Variants in ARMC5 observed in about 807,000 individuals in gnomAD.
ARMC5 encodes armadillo repeat-containing protein 5.
In ARMC5, 28 loss-of-function variants were observed where a neutral mutation model predicts 60.5. The ratio of observed to expected loss-of-function variants is 0.46; its 90% CI spans 0.34 to 0.63. The LOEUF is 0.63. Among genes scored for constraint, ARMC5 ranks in the 30% least tolerant of loss-of-function variants. The probability of loss-of-function intolerance (pLI) is 0.01; values close to 1 mark genes in which losing one functional copy is unlikely to be tolerated. For missense variants in ARMC5, 1,189 were observed against 1,304.9 expected (o/e 0.91, Z 1.37); for synonymous variants, 680 against 607.3 (o/e 1.12, Z -1.76).
intron 1 of ARMC5, among the ~76,000 whole-genome samples, chr16:31,461,612 A>G (rs565766317): frequency 5.7e-4 from 86 of 152,212 alleles, no homozygotes; most frequent in African/African-American, 1.9e-3. Flanking sequence ...GGTTCAAGCA[A>G]TTCTCCTGCC....
chr16:31,464,991 C>G lies in ARMC5; in HGVS notation c.1864+104C>G, dbSNP rs935969908. 3 of 1,610,984 alleles carry G rather than the reference C, an allele frequency of 1.9e-6. No individual in the cohort carries two copies. The highest frequency in any genetic ancestry group is 2.5e-6 in the Non-Finnish European group (3 of 1,177,940). On this transcript the variant is annotated intron_variant, in intron 4 of 5. Coordinates refer to ENST00000268314, the MANE Select transcript of ARMC5 (RefSeq NM_001105247.2). The surrounding 1 kb of genome is among the most constrained non-coding windows in gnomAD (Gnocchi z 7.6). ...CTCACCTTCCCACTCACCTGTCCTC[C>G]CCAGCCCGTCCTCCAGACAACCTGT...
In ARMC5 at chr16:31,466,225, C is replaced by T; in HGVS notation, c.2144C>T (p.Thr715Ile). The T allele has an allele frequency of 1.9e-6, 3 of 1,613,772 alleles. No individual in the cohort carries two copies. The highest frequency in any genetic ancestry group is 1.7e-6 in the Non-Finnish European group (2 of 1,179,900). Residue 715 changes from threonine (T) to isoleucine (I), a missense_variant, in exon 6 of 6, where the codon ACT becomes ATT. Thr to Ile is a moderately conservative substitution (Grantham distance 89). Coordinates refer to ENST00000268314, the MANE Select transcript of ARMC5 (RefSeq NM_001105247.2). The surrounding 1 kb of genome is among the most constrained non-coding windows in gnomAD (Gnocchi z 8.0). ...TGCCTCCAAGACCTGGTGTCTCCCA[C>T]TGTGAGCCCAGCTGTCCCACAGGCA... is the stretch of plus-strand genomic sequence containing the variant. ...LSCLQDLVSP[T>I]VSPAVPQAVP...
chr16:31,464,436 C>G lies in ARMC5; in HGVS notation c.1413C>G (p.Asp471Glu). 6.4e-7 allele frequency: 1 copy of G among 1,567,982 alleles called. No homozygotes were observed. The highest frequency in any genetic ancestry group is 8.6e-7 in the Non-Finnish European group (1 of 1,159,116). Residue 471 changes from aspartate (D) to glutamate (E), a missense_variant, in exon 4 of 6, where the codon GAC becomes GAG. Physicochemically the swap from Asp to Glu is conservative, Grantham distance 45 (BLOSUM62 2). Around this residue, in one of 2 missense-constraint regions of ARMC5, gnomAD observed 862 missense variants for 1,071.2 expected, o/e 0.80. Coordinates refer to ENST00000268314, the MANE Select transcript of ARMC5 (RefSeq NM_001105247.2). The surrounding 1 kb of genome is among the most constrained non-coding windows in gnomAD (Gnocchi z 7.6). ...ISEGYATGPD[D>E]ISPDWSPEQC... ...AGGGCTATGCCACAGGCCCTGATGA[C>G]ATCTCCCCCGACTGGTCTCCTGAGC...
chr16:31,461,742 A>T (rs1279853788), intron 1 of ARMC5, among the ~76,000 whole-genome samples, 180 bp from the exon 2 acceptor site: 1 of 152,148 alleles, frequency 6.6e-6, no homozygotes, highest in Non-Finnish European at 1.5e-5. Context: ...TCCTGACCTC[A>T]AGTGACCCAC....
rs753144708 is a variant in ARMC5 at position 31,464,667 on chromosome 16, G to A, written c.1644G>A (p.Leu548=). The change falls in exon 4 of 6, where the codon CTG becomes CTA. Residue 548 remains leucine (L), a synonymous_variant. Coordinates refer to ENST00000268314, the MANE Select transcript of ARMC5 (RefSeq NM_001105247.2). This position sits in a 1 kb window ranked among gnomAD's most constrained non-coding sequence, Gnocchi z 7.6. ...GGGCACTTGTGACCGGCCCGGCGCT[G>A]TACGGCCTGCTGACCTATGTGACCG... The part of the protein sequence containing the change: ...PSGALVTGPA[L]YGLLTYVTGA... The A allele has an allele frequency of 3.8e-6, 6 of 1,598,774 alleles. No individual in the cohort carries two copies. The Admixed American group carries it at 6.7e-5, about 18-fold the overall frequency.
Position 31,466,865 on chromosome 16 carries a change from G to T in ARMC5, c.2784G>T (p.Glu928Asp). ...EALLAVVMGI[E>D]LGARVPA ...TGCTGGCTGTGGTGATGGGGATTGA[G>T]TTGGGGGCAAGGGTCCCTGCCTAGA... Residue 928 changes from glutamate to aspartate, a missense_variant, in exon 6 of 6, where the codon GAG (glutamate) becomes GAT (aspartate). Glu to Asp is a conservative substitution (Grantham distance 45, BLOSUM62 2). Around this residue, in one of 2 missense-constraint regions of ARMC5, gnomAD observed 862 missense variants for 1,071.2 expected, o/e 0.80. Transcript: ENST00000268314. This position sits in a 1 kb window ranked among gnomAD's most constrained non-coding sequence, Gnocchi z 8.0. 1 of 1,579,908 alleles carries T rather than the reference G, an allele frequency of 6.3e-7. No homozygotes were observed. The highest frequency in any genetic ancestry group is 2.2e-5 in the East Asian group (1 of 44,682).
At position 31,464,673 on chromosome 16, in the gene ARMC5, C is replaced by T. The variant is rs374915051; in HGVS notation, c.1650C>T (p.Gly550=). Residue 550 remains glycine, a synonymous_variant, in exon 4 of 6, where the codon GGC becomes GGT. Coordinates refer to ENST00000268314, the MANE Select transcript of ARMC5 (RefSeq NM_001105247.2). The surrounding 1 kb of genome is among the most constrained non-coding windows in gnomAD (Gnocchi z 7.6). ...TTGTGACCGGCCCGGCGCTGTACGG[C>T]CTGCTGACCTATGTGACCGGCGCAC... is the stretch of plus-strand genomic sequence containing the variant. ...GALVTGPALY[G]LLTYVTGAPG... is the part of the protein sequence containing the mutation. 3.1e-6 allele frequency: 5 copies of T among 1,598,628 alleles called. No individual in the cohort carries two copies. In the African/African-American group the frequency reaches 6.7e-5, roughly 21 times the overall value.
In ARMC5 at chr16:31,466,399, T is replaced by G; in HGVS notation, c.2318T>G (p.Phe773Cys). 1 of 1,612,376 alleles carries G rather than the reference T, an allele frequency of 6.2e-7. No homozygotes were observed. Among genetic ancestry groups the G allele is most frequent in the Non-Finnish European group, 8.5e-7 (1 of 1,179,840 alleles). The change falls in exon 6 of 6, where the codon TTC (phenylalanine) becomes TGC (cysteine). Residue 773 changes from phenylalanine (F) to cysteine (C), a missense_variant. Transcript: ENST00000268314. This position sits in a 1 kb window ranked among gnomAD's most constrained non-coding sequence, Gnocchi z 8.0. Reference protein sequence around the residue: ...QRAASATASPFFRALLSGSFA... With the variant: ...QRAASATASPCFRALLSGSFA... ...GCGGCCTCAGCCACCGCCTCCCCTTTCTTCCGGGCCCTGCTGTCAGGCAGC... is the reference window on the plus strand; with the variant it reads ...GCGGCCTCAGCCACCGCCTCCCCTTGCTTCCGGGCCCTGCTGTCAGGCAGC...
upstream of ARMC5, chr16:31,459,356 G>C (rs1336993067): frequency 1.3e-6 from 2 of 1,535,964 alleles, no homozygotes; most frequent in South Asian, 1.2e-5. Context: ...GCCGCGCCTC[G>C]TGTGCAAGGA....
In ARMC5 at chr16:31,466,176, T is replaced by C. The variant is rs775889900; in HGVS notation, c.2095T>C (p.Phe699Leu). 2 of 1,611,422 alleles carry C rather than the reference T, an allele frequency of 1.2e-6. No individual in the cohort carries two copies. Among genetic ancestry groups the C allele is most frequent in the Non-Finnish European group, 1.7e-6 (2 of 1,179,872 alleles). Residue 699 changes from phenylalanine (F) to leucine (L), a missense_variant, in exon 6 of 6, where the codon TTC becomes CTC. Transcript: ENST00000268314. This position sits in a 1 kb window ranked among gnomAD's most constrained non-coding sequence, Gnocchi z 8.0. ...TRPAPHPLFL[F>L]FAADSLSCLQ... Reference sequence around the variant, plus strand: ...GCCGGCCCCACACCCGCTCTTCCTCTTCTTTGCCGCGGACTCCCTTTCCTG... The same window carrying C: ...GCCGGCCCCACACCCGCTCTTCCTCCTCTTTGCCGCGGACTCCCTTTCCTG...
intron 4 of ARMC5, chr16:31,465,280 C>A: frequency 6.7e-7 from 1 of 1,500,494 alleles, no homozygotes. Flanking sequence ...GCCCTGTCTG[C>A]TGTGCCCTGA....
chr16:31,459,839 C>T lies in ARMC5; in HGVS notation c.315C>T (p.Pro105=), dbSNP rs750885418. The T allele has an allele frequency of 1.1e-5, 17 of 1,572,984 alleles. No homozygotes were observed. The highest frequency in any genetic ancestry group is 1.3e-5 in the African/African-American group (1 of 74,088). ...CGTCGGGAGCTTCTAGCCCCGCCCCCGCGTCGGGCCCCGCCCCCTCCGCTG... is the reference window on the plus strand; with the variant it reads ...CGTCGGGAGCTTCTAGCCCCGCCCCTGCGTCGGGCCCCGCCCCCTCCGCTG... ...SAASGASSPA[P]ASGPAPSAVS... Residue 105 remains proline (P), a synonymous_variant, in exon 1 of 6, where the codon CCC becomes CCT. Transcript: ENST00000268314.
Position 31,466,983 on chromosome 16 carries a change from GTCA to G in ARMC5, c.*99_*101del. 1 of 1,376,044 alleles carries G rather than the reference GTCA, an allele frequency of 7.3e-7. No homozygotes were observed. Among genetic ancestry groups the G allele is most frequent in the Non-Finnish European group, 9.5e-7 (1 of 1,054,370 alleles). The allele number at this position is 1,376,044 out of a possible 1,614,324, so 85.2% of individuals were successfully genotyped here. On this transcript the variant is annotated 3_prime_UTR_variant, in exon 6 of 6. Transcript: ENST00000268314. The surrounding 1 kb of genome is among the most constrained non-coding windows in gnomAD (Gnocchi z 8.0). ...CAAGGGAGGAGGCTGAGCAGAAGGA[GTCA>G]TCATGGAGGAGCGGTGAGAACATGG...
Position 31,466,528 on chromosome 16 carries a change from C to T in ARMC5, c.2447C>T (p.Ala816Val). The change falls in exon 6 of 6, where the codon GCC becomes GTC. Residue 816 changes from alanine (A) to valine (V), a missense_variant. Physicochemically the swap from Ala to Val is moderately conservative, Grantham distance 64 (BLOSUM62 0). Coordinates refer to ENST00000268314, the MANE Select transcript of ARMC5 (RefSeq NM_001105247.2). This position sits in a 1 kb window ranked among gnomAD's most constrained non-coding sequence, Gnocchi z 8.0. ...CATGGTTGTCGGGGGTGTGGGGCTG[C>T]CCTGGGGCCCGTGCCCCCACCAGGC... ...HLHGCRGCGAALGPVPPPGQP... is the reference protein window; with the variant it reads ...HLHGCRGCGAVLGPVPPPGQP... The T allele has an allele frequency of 6.2e-7, 1 of 1,608,370 alleles. No homozygotes were observed. The highest frequency in any genetic ancestry group is 1.3e-5 in the African/African-American group (1 of 75,064).
At chr16:31,465,350 G>A (rs998642200) in intron 4 of ARMC5, 8 of 1,389,286 alleles carry the variant, frequency 5.8e-6, no homozygotes, top group East Asian at 2.6e-5. Context: ...GGCCCTGTCC[G>A]GGCATAACAG....
In ARMC5 at chr16:31,459,682, A is replaced by C. The variant is rs778311307; in HGVS notation, c.158A>C (p.Lys53Thr). Residue 53 changes from lysine (K) to threonine (T), a missense_variant, in exon 1 of 6, where the codon AAG becomes ACG. Lys to Thr is a moderately conservative substitution (Grantham distance 78). Transcript: ENST00000268314. ...CTAGCCCTCCGCACGCGCCACATCA[A>C]GGCAGCGGGGGGAATCGAGCGCTTC... is the stretch of plus-strand genomic sequence containing the variant. Reference protein sequence around the residue: ...ALLALRTRHIKAAGGIERFRA... With the variant: ...ALLALRTRHITAAGGIERFRA... The C allele has an allele frequency of 2.5e-6, 4 of 1,576,796 alleles. No individual in the cohort carries two copies. The highest frequency in any genetic ancestry group is 3.4e-6 in the Non-Finnish European group (4 of 1,170,842).
chr16:31,460,095 G>C (rs2082291511), intron 1 of ARMC5, 96 bp downstream of exon 1: 1 of 1,331,738 alleles, frequency 7.5e-7, no homozygotes. Flanking sequence ...TCCTATCCCG[G>C]AATAACGTGC....
rs367673493 is a variant in ARMC5 at position 31,466,385 on chromosome 16, C to T, written c.2304C>T (p.Ala768=). The part of the protein sequence containing the change: ...LQLPAQRAAS[A]TASPFFRALL... ...TCCCTGCCCAGCGAGCGGCCTCAGC[C>T]ACCGCCTCCCCTTTCTTCCGGGCCC... is the stretch of plus-strand genomic sequence containing the variant. Residue 768 remains alanine (A), a synonymous_variant, in exon 6 of 6, where the codon GCC becomes GCT. Coordinates refer to ENST00000268314, the MANE Select transcript of ARMC5 (RefSeq NM_001105247.2). This position sits in a 1 kb window ranked among gnomAD's most constrained non-coding sequence, Gnocchi z 8.0. 7 of 1,612,790 alleles carry T rather than the reference C, an allele frequency of 4.3e-6. No homozygotes were observed. In the African/African-American group the frequency reaches 6.7e-5, roughly 15 times the overall value.
Position 31,466,246 on chromosome 16 carries a change from A to G in ARMC5, c.2165A>G (p.Gln722Arg). The change falls in exon 6 of 6, where the codon CAG (glutamine) becomes CGG (arginine). Residue 722 changes from glutamine (Q) to arginine (R), a missense_variant. By Grantham distance (43) the Gln-to-Arg change is conservative. Coordinates refer to ENST00000268314, the MANE Select transcript of ARMC5 (RefSeq NM_001105247.2). This position sits in a 1 kb window ranked among gnomAD's most constrained non-coding sequence, Gnocchi z 8.0. ...CCCACTGTGAGCCCAGCTGTCCCACAGGCAGTCCCCATGGACCTAGACTCA... is the reference window on the plus strand; with the variant it reads ...CCCACTGTGAGCCCAGCTGTCCCACGGGCAGTCCCCATGGACCTAGACTCA... The part of the protein sequence containing the change: ...VSPTVSPAVP[Q>R]AVPMDLDSPS... The G allele has an allele frequency of 6.2e-7, 1 of 1,613,668 alleles. No individual in the cohort carries two copies.
Sources: allele counts gnomAD v4.1 joint callset (sites outside exome capture counted in the v4.1 genomes callset), GRCh38; gene constraint gnomAD v4.1.1; regional missense constraint gnomAD v4.1.1; non-coding constraint Gnocchi (gnomAD v3.1); transcripts MANE v1.5; gene names NCBI Gene and HGNC (gene_info 2026-07-23, HGNC 2026-07-21).